The following PTPRD variants were observed in gnomAD, a reference collection of about 807,000 sequenced individuals.
PTPRD encodes protein tyrosine phosphatase receptor type D.
A neutral mutation model predicts 214.5 loss-of-function variants in PTPRD; 34 were observed. That is an observed-to-expected ratio of 0.16 (90% CI 0.12 to 0.21). The LOEUF (loss-of-function observed/expected upper bound fraction) is 0.21, where lower values mean the gene tolerates loss of function less well. PTPRD is among the 10% of genes least tolerant of loss of function. The probability of loss-of-function intolerance (pLI) is 1.00; values close to 1 mark genes in which losing one functional copy is unlikely to be tolerated. For synonymous variants in PTPRD, 1,128 were observed against 845.7 expected, an observed-to-expected ratio of 1.33 and a Z score of -5.79; for missense variants, 2,545 against 2,398.7, an observed-to-expected ratio of 1.06 and a Z score of -1.27.
chr9:9,559,504 A>G (rs908493163), intron 8 of PTPRD, among the ~76,000 whole-genome samples: 1 of 152,248 alleles, frequency 6.6e-6, no homozygotes, highest in African/African-American at 2.4e-5. Context: ...AACTACATGT[A>G]GGGCTTGTGC....
At chr9:10,449,920 G>C (rs1049631498) in intron 2 of PTPRD, among the ~76,000 whole-genome samples, 2 of 151,810 alleles carry the variant, frequency 1.3e-5, no homozygotes, top group Admixed American at 1.3e-4. Flanking sequence ...GCCTTGGGAT[G>C]CTGTTAATCT....
intron 11 of PTPRD, among the ~76,000 whole-genome samples, chr9:8,826,952 C>T (rs1566406376): frequency 6.6e-6 from 1 of 152,074 alleles, no homozygotes; most frequent in East Asian, 1.9e-4. Flanking sequence ...CTCCTTCTGC[C>T]TGGGATGCTC....
At chr9:10,478,735 T>C (rs943620646) in intron 2 of PTPRD, among the ~76,000 whole-genome samples, 9 of 151,304 alleles carry the variant, frequency 5.9e-5, no homozygotes, top group African/African-American at 7.3e-5. Context: ...TATATGTATA[T>C]GTATATAAAT....
At chr9:9,283,428 A>G (rs957315974) in intron 9 of PTPRD, among the ~76,000 whole-genome samples, 4 of 151,448 alleles carry the variant, frequency 2.6e-5, no homozygotes, top group Non-Finnish European at 5.9e-5. Context: ...AGGTTCAATT[A>G]TATCTTCTCA....
chr9:8,650,074 C>T (rs1596069573), intron 12 of PTPRD, among the ~76,000 whole-genome samples: 1 of 152,090 alleles, frequency 6.6e-6, no homozygotes, highest in South Asian at 2.1e-4. Flanking sequence ...CATGCCACAA[C>T]ACCATGCTAT....
intron 11 of PTPRD, among the ~76,000 whole-genome samples, chr9:8,955,839 T>C (rs2099128742): frequency 6.6e-6 from 1 of 151,864 alleles, no homozygotes; most frequent in African/African-American, 2.4e-5. Flanking sequence ...TGTCCTTTGC[T>C]AAAGAAGAAA....
intron 2 of PTPRD, among the ~76,000 whole-genome samples, chr9:10,361,252 A>G (rs944809751): frequency 6.6e-6 from 1 of 152,176 alleles, no homozygotes; most frequent in Admixed American, 6.5e-5. Flanking sequence ...TCTGCTTTCA[A>G]TCTGTTGTGG....
chr9:9,882,831 T>C (rs1377480660), intron 5 of PTPRD, among the ~76,000 whole-genome samples: 1 of 152,080 alleles, frequency 6.6e-6, no homozygotes, highest in Non-Finnish European at 1.5e-5. Flanking sequence ...GGGGGCCTAA[T>C]GGGAAGTGTT....
At chr9:8,887,189 C>T (rs1566835937) in intron 11 of PTPRD, among the ~76,000 whole-genome samples, 1 of 152,146 alleles carries the variant, frequency 6.6e-6, no homozygotes, top group African/African-American at 2.4e-5. Flanking sequence ...CTCCATAACG[C>T]ATGCTATTAA....
At chr9:10,177,296 A>G (rs888606503) in intron 3 of PTPRD, among the ~76,000 whole-genome samples, 3 of 151,730 alleles carry the variant, frequency 2.0e-5, no homozygotes, top group African/African-American at 7.2e-5. Flanking sequence ...AGAGAATGAT[A>G]AATTGAAGAT....
chr9:10,059,784 T>TAA lies in PTPRD; in HGVS notation c.-544-25996_-544-25995dup, dbSNP rs5896364. Among the ~76,000 whole-genome samples, 552 of 148,500 alleles carry TAA rather than the reference T, an allele frequency of 3.7e-3. 3 individuals are homozygous for TAA. The highest frequency in any genetic ancestry group is 0.012 in the African/African-American group (483 of 40,802). ...AACAATAATAAAATATTTAAGAAAT[T>TAA]AAAAAAAAAACACTAAGCTTTACCT... On this transcript the variant is annotated intron_variant, in intron 3 of 45. Coordinates refer to ENST00000381196, the MANE Select transcript of PTPRD (RefSeq NM_002839.4).
chr9:8,437,232 A>C, intron 34 of PTPRD: 1 of 1,524,420 alleles, frequency 6.6e-7, no homozygotes, highest in Non-Finnish European at 8.8e-7. Flanking sequence ...AACCGGAATC[A>C]TCTGAACCTG....
At chr9:10,374,439 T>C (rs947927217) in intron 2 of PTPRD, among the ~76,000 whole-genome samples, 1 of 152,046 alleles carries the variant, frequency 6.6e-6, no homozygotes, top group Non-Finnish European at 1.5e-5. Context: ...GAAAGGCTAA[T>C]GCAAAAAGAC....
intron 3 of PTPRD, among the ~76,000 whole-genome samples, chr9:10,325,742 A>T (rs1427111044): frequency 6.6e-6 from 1 of 151,960 alleles, no homozygotes; most frequent in Admixed American, 6.6e-5. Flanking sequence ...TACATATCAT[A>T]TTCAATAATT....
In PTPRD at chr9:10,188,247, G is replaced by A. The variant is rs755271236; in HGVS notation, c.-545+152716C>T. Among the ~76,000 whole-genome samples the A allele has an allele frequency of 2.3e-4, 35 of 152,142 alleles. 1 individual carries two copies. Among genetic ancestry groups the A allele is most frequent in the Non-Finnish European group, 4.4e-4 (30 of 67,998 alleles). ...TAAGTCAAATATCCTAGATGACACTGTAATTGATTAATTGGAAATTAGTAT... is the reference window on the plus strand; with the variant it reads ...TAAGTCAAATATCCTAGATGACACTATAATTGATTAATTGGAAATTAGTAT... On this transcript the variant is annotated intron_variant, in intron 3 of 45. Coordinates refer to ENST00000381196, the MANE Select transcript of PTPRD (RefSeq NM_002839.4).
chr9:9,563,543 C>T (rs1418958824), intron 8 of PTPRD, among the ~76,000 whole-genome samples: 7 of 152,064 alleles, frequency 4.6e-5, no homozygotes, highest in Non-Finnish European at 1.0e-4. Context: ...TTCCAGAACT[C>T]AGGGACAGCC....
chr9:10,105,258 G>A (rs1342326287), intron 3 of PTPRD, among the ~76,000 whole-genome samples: 3 of 151,658 alleles, frequency 2.0e-5, no homozygotes, highest in African/African-American at 4.8e-5. Context: ...GCCCATATTT[G>A]AAAATCACAT....
chr9:9,557,008 C>A (rs749166831), intron 8 of PTPRD, among the ~76,000 whole-genome samples: 1 of 152,174 alleles, frequency 6.6e-6, no homozygotes, highest in African/African-American at 2.4e-5. Flanking sequence ...CCCTGAGACT[C>A]AGTGCTTTAT....
intron 6 of PTPRD, among the ~76,000 whole-genome samples, chr9:9,737,459 C>T (rs1284266726): frequency 1.3e-5 from 2 of 152,048 alleles, no homozygotes; most frequent in African/African-American, 4.8e-5. Flanking sequence ...GTTTCTAACA[C>T]CTTAAAAGAA....
Sources: allele counts gnomAD v4.1 joint callset (sites outside exome capture counted in the v4.1 genomes callset), GRCh38; gene constraint gnomAD v4.1.1; transcripts MANE v1.5; gene names NCBI Gene and HGNC (gene_info 2026-07-23, HGNC 2026-07-21).